KIF26B: variants seen among roughly 807,000 people sequenced by gnomAD.
The protein encoded by KIF26B is kinesin family member 26B, also known as kinesin-like protein KIF26B.
KIF26B carries 63 observed loss-of-function variants against 151.2 expected under a neutral mutation model. The ratio of observed to expected loss-of-function variants is 0.42; its 90% CI spans 0.34 to 0.51. The LOEUF is 0.51. Among genes scored for constraint, KIF26B ranks in the 20% least tolerant of loss-of-function variants. The pLI is 0.07. For synonymous variants in KIF26B, 1,357 were observed against 1,262.1 expected (o/e 1.08, Z -1.59); for missense variants, 2,813 against 2,913.6 (o/e 0.97, Z 0.79).
intron 4 of KIF26B, among the ~76,000 whole-genome samples, chr1:245,461,643 G>A (rs957408921): frequency 5.3e-5 from 8 of 152,080 alleles, no homozygotes; most frequent in East Asian, 1.9e-4. Flanking sequence ...GAGCTTCCCC[G>A]GGGATGCTGC....
At chr1:245,397,036 G>C (rs1673863646) in intron 3 of KIF26B, among the ~76,000 whole-genome samples, 1 of 147,202 alleles carries the variant, frequency 6.8e-6, no homozygotes, top group African/African-American at 2.5e-5. Flanking sequence ...ACAGCTCACT[G>C]TAGCCTCTAC....
chr1:245,524,882 T>A (rs1419619356), intron 4 of KIF26B, among the ~76,000 whole-genome samples: 2 of 152,222 alleles, frequency 1.3e-5, no homozygotes, highest in Non-Finnish European at 2.9e-5. Context: ...TCAAGGTCAA[T>A]AATGAACTCA....
rs542143207 is a variant in KIF26B at position 245,203,800 on chromosome 1, C to T, written c.465+47117C>T. On this transcript the variant is annotated intron_variant, in intron 2 of 14. Coordinates refer to ENST00000407071, the MANE Select transcript of KIF26B (RefSeq NM_018012.4). ...CATCCTGCATCTTGGCATCTCCCCCCGTGACATTTATTCCTGTGAATCTGA... is the reference window on the plus strand; with the variant it reads ...CATCCTGCATCTTGGCATCTCCCCCTGTGACATTTATTCCTGTGAATCTGA... 5.3e-5 allele frequency among the ~76,000 whole-genome samples: 8 copies of T among 152,320 alleles called. No homozygotes were observed. In the South Asian group the frequency reaches 6.2e-4, roughly 12 times the overall value.
intron 2 of KIF26B, among the ~76,000 whole-genome samples, chr1:245,297,164 GA>G (rs1671351627): frequency 6.6e-6 from 1 of 152,146 alleles, no homozygotes; most frequent in South Asian, 2.1e-4. Context: ...CCAACATGGT[GA>G]AACCCCATCT....
At position 245,688,565 on chromosome 1, in the gene KIF26B, A is replaced by G; in HGVS notation, c.5582A>G (p.His1861Arg). Reference sequence around the variant, plus strand: ...AAGATCACGCCCCCGCGGAGGCCCCACCGCTGCAGCAGCGGCCACGGCAGC... The same window carrying G: ...AAGATCACGCCCCCGCGGAGGCCCCGCCGCTGCAGCAGCGGCCACGGCAGC... ...YSKITPPRRPHRCSSGHGSDN... is the reference protein window; with the variant it reads ...YSKITPPRRPRRCSSGHGSDN... The change falls in exon 12 of 15, where the codon CAC becomes CGC. Residue 1861 changes from histidine to arginine, a missense_variant. Physicochemically the swap from His to Arg is conservative, Grantham distance 29. Around this residue, in one of 3 missense-constraint regions of KIF26B, gnomAD observed 2,060 missense variants for 2,088.6 expected, o/e 0.99. Coordinates refer to ENST00000407071, the MANE Select transcript of KIF26B (RefSeq NM_018012.4). 3.9e-6 allele frequency: 6 copies of G among 1,553,526 alleles called. No individual in the cohort carries two copies. Among genetic ancestry groups the G allele is most frequent in the East Asian group, 2.4e-5 (1 of 41,028 alleles).
At position 245,390,952 on chromosome 1, in the gene KIF26B, AC is replaced by A. The variant is rs148793413; in HGVS notation, c.999+23587del. Among the ~76,000 whole-genome samples the A allele has an allele frequency of 7.6e-4, 50 of 65,696 alleles. 7 individuals are homozygous for A. The highest frequency in any genetic ancestry group is 2.4e-3 in the South Asian group (3 of 1,228). 43.1% of individuals were successfully genotyped at this position (65,696 alleles called of 152,430 possible). A position where few individuals can be genotyped will look rare whatever the true frequency, so the allele number is the denominator to read the frequency against. On this transcript the variant is annotated intron_variant, in intron 3 of 14. Coordinates refer to ENST00000407071, the MANE Select transcript of KIF26B (RefSeq NM_018012.4). Reference sequence around the variant, plus strand: ...AAAAAAAAAAAAAAAAAAAAAAAAAACCACCATAAAATTTTGAGCTTTCAAT... The same window carrying A: ...AAAAAAAAAAAAAAAAAAAAAAAAAACACCATAAAATTTTGAGCTTTCAAT...
chr1:245,624,648 A>G (rs796992464), intron 9 of KIF26B, among the ~76,000 whole-genome samples: 86 of 152,344 alleles, frequency 5.6e-4, no homozygotes, highest in African/African-American at 1.9e-3. Flanking sequence ...AATCCTTTAT[A>G]AGATATAGTA....
intron 2 of KIF26B, among the ~76,000 whole-genome samples, chr1:245,179,429 T>G (rs1276420998): frequency 6.6e-6 from 1 of 151,972 alleles, no homozygotes; most frequent in African/African-American, 2.4e-5. Context: ...TTTGAGACCA[T>G]CCTGGCCAAC....
chr1:245,589,879 T>C (rs1230701698), intron 5 of KIF26B, among the ~76,000 whole-genome samples: 1 of 152,174 alleles, frequency 6.6e-6, no homozygotes, highest in South Asian at 2.1e-4. Context: ...TCGGGTGCCA[T>C]GTTAGCAAGC....
intron 2 of KIF26B, among the ~76,000 whole-genome samples, chr1:245,163,006 GTC>G (rs1668557759): frequency 6.6e-6 from 1 of 152,184 alleles, no homozygotes; most frequent in Non-Finnish European, 1.5e-5. Context: ...TTCTCTAAAT[GTC>G]TATCCAGTTG....
At chr1:245,155,879 C>T (rs1310045205) in intron 1 of KIF26B, among the ~76,000 whole-genome samples, 1 of 152,110 alleles carries the variant, frequency 6.6e-6, no homozygotes, top group Non-Finnish European at 1.5e-5. Context: ...GAATAAAAAT[C>T]CTGAAATCAC....
chr1:245,581,575 T>C (rs2043174664), intron 5 of KIF26B, among the ~76,000 whole-genome samples: 1 of 152,202 alleles, frequency 6.6e-6, no homozygotes, highest in Non-Finnish European at 1.5e-5. Context: ...AACTGGGATA[T>C]GGGTCTTACA....
chr1:245,471,050 A>G (rs868498333), intron 4 of KIF26B, among the ~76,000 whole-genome samples: 1 of 151,696 alleles, frequency 6.6e-6, no homozygotes, highest in Non-Finnish European at 1.5e-5. Context: ...TTATTGTCGT[A>G]TATTCAAGCA....
chr1:245,613,883 A>C (rs1307405341), intron 9 of KIF26B, among the ~76,000 whole-genome samples: 5 of 152,184 alleles, frequency 3.3e-5, no homozygotes, highest in African/African-American at 9.7e-5. Context: ...TGGCCAATCT[A>C]TACAGTCATG....
At chr1:245,574,864 C>CTTTTTTTTTTTT (rs201010492) in intron 5 of KIF26B, among the ~76,000 whole-genome samples, 68 of 126,212 alleles carry the variant, frequency 5.4e-4, no homozygotes, top group African/African-American at 9.5e-4. Flanking sequence ...TTTTTTTTTT[C>CTTTTTTTTTTTT]TTTTTTTTTT....
At chr1:245,209,693 T>C (rs1038556567) in intron 2 of KIF26B, among the ~76,000 whole-genome samples, 3 of 152,216 alleles carry the variant, frequency 2.0e-5, no homozygotes, top group African/African-American at 7.2e-5. Flanking sequence ...GAGAACATTG[T>C]ACACACATAA....
At chr1:245,520,911 C>T (rs960161364) in intron 4 of KIF26B, among the ~76,000 whole-genome samples, 3 of 152,138 alleles carry the variant, frequency 2.0e-5, no homozygotes, top group Non-Finnish European at 4.4e-5. Flanking sequence ...AGCTGAAATC[C>T]TAACCCATAA....
intron 2 of KIF26B, among the ~76,000 whole-genome samples, chr1:245,277,741 C>T (rs1332867447): frequency 1.3e-5 from 2 of 152,154 alleles, no homozygotes; most frequent in African/African-American, 2.4e-5. Flanking sequence ...TCTGCCAATG[C>T]TCTTCTTGGG....
chr1:245,536,263 C>A (rs145467249), intron 4 of KIF26B, among the ~76,000 whole-genome samples: 8 of 152,284 alleles, frequency 5.3e-5, no homozygotes, highest in African/African-American at 1.9e-4. Context: ...TTCCACATGT[C>A]ATTTATTCAT....
Sources: gnomAD v4.1 joint callset for allele counts (sites outside exome capture counted in the v4.1 genomes callset) on GRCh38, gnomAD v4.1.1 for gene constraint, gnomAD v4.1.1 regional missense constraint, MANE v1.5 for transcripts, NCBI Gene and HGNC (gene_info 2026-07-23, HGNC 2026-07-21) for gene names.